ROBO2: variants seen among roughly 807,000 people sequenced by gnomAD.
ROBO2 encodes the protein roundabout guidance receptor 2, also known as roundabout homolog 2.
ROBO2 carries 53 observed loss-of-function variants against 160.8 expected under a neutral mutation model. The ratio of observed to expected loss-of-function variants is 0.33; its 90% confidence interval spans 0.26 to 0.41. The LOEUF (loss-of-function observed/expected upper bound fraction) is 0.41. Ranked by LOEUF, ROBO2 falls within the 10% of genes least tolerant of loss-of-function variation. ROBO2 has a pLI of 1.00. For missense variants in ROBO2, 1,577 were observed against 1,722.4 expected (o/e 0.92, Z 1.49); for synonymous variants, 664 against 611.7 (o/e 1.09, Z -1.26).
intron 2 of ROBO2, among the ~76,000 whole-genome samples, chr3:76,454,340 T>G (rs2077636459): frequency 6.6e-6 from 1 of 152,166 alleles, no homozygotes; most frequent in Non-Finnish European, 1.5e-5. Flanking sequence ...TAATTTTACT[T>G]TGTCAAATTA....
At chr3:76,498,068 C>T (rs538680198) in intron 2 of ROBO2, among the ~76,000 whole-genome samples, 2 of 152,200 alleles carry the variant, frequency 1.3e-5, no homozygotes, top group South Asian at 4.1e-4. Context: ...AGATAGGTTT[C>T]AAGAAGAAAA....
At chr3:76,775,228 T>C (rs966710079) in intron 2 of ROBO2, among the ~76,000 whole-genome samples, 2 of 150,636 alleles carry the variant, frequency 1.3e-5, no homozygotes, top group African/African-American at 2.4e-5. Flanking sequence ...AACAGAAATG[T>C]TTTTACTGTT....
At chr3:77,278,903 A>G (rs1192200130) in intron 2 of ROBO2, among the ~76,000 whole-genome samples, 1 of 152,128 alleles carries the variant, frequency 6.6e-6, no homozygotes. Context: ...TTTGAAACTA[A>G]CAATTGTTCT....
At chr3:77,634,640 G>T in intron 23 of ROBO2, 1 of 522,830 alleles carries the variant, frequency 1.9e-6, no homozygotes. Flanking sequence ...TCATTTGTTT[G>T]ATTTTGAGGG....
At chr3:76,352,213 C>T (rs1276446609) in intron 2 of ROBO2, among the ~76,000 whole-genome samples, 1 of 151,850 alleles carries the variant, frequency 6.6e-6, no homozygotes, top group Admixed American at 6.6e-5. Context: ...CTATTTATAG[C>T]CTGGCCAGTG....
chr3:76,562,528 G>A (rs1314722429), intron 2 of ROBO2, among the ~76,000 whole-genome samples: 1 of 151,372 alleles, frequency 6.6e-6, no homozygotes, highest in East Asian at 2.0e-4. Flanking sequence ...ACTCCCTTCG[G>A]TCAGAGCCCT....
chr3:77,401,543 G>A (rs1041210782), intron 2 of ROBO2, among the ~76,000 whole-genome samples: 1 of 152,010 alleles, frequency 6.6e-6, no homozygotes, highest in Non-Finnish European at 1.5e-5. Flanking sequence ...AACCTATTGG[G>A]CTGGTAAAAA....
chr3:77,406,757 A>C (rs773849088), intron 2 of ROBO2, among the ~76,000 whole-genome samples: 11 of 151,954 alleles, frequency 7.2e-5, no homozygotes, highest in Non-Finnish European at 1.3e-4. Flanking sequence ...TCCCCACTTC[A>C]TGCTTTCCCA....
chr3:76,008,410 A>C (rs566525456), intron 2 of ROBO2, among the ~76,000 whole-genome samples: 1 of 152,166 alleles, frequency 6.6e-6, no homozygotes, highest in East Asian at 1.9e-4. Context: ...CCTTGGGGTA[A>C]ACTCCAAAGG....
At chr3:77,526,880 C>T (rs2091214046) in intron 6 of ROBO2, among the ~76,000 whole-genome samples, 1 of 151,396 alleles carries the variant, frequency 6.6e-6, no homozygotes, top group South Asian at 2.1e-4. Context: ...TTCATCCACC[C>T]TGTCCATGGA....
At chr3:77,579,424 G>C (rs1221766819) in intron 15 of ROBO2, among the ~76,000 whole-genome samples, 2 of 152,018 alleles carry the variant, frequency 1.3e-5, no homozygotes, top group Non-Finnish European at 1.5e-5. Context: ...AATTCATCTT[G>C]TTAACTACTT....
At chr3:77,181,659 G>T (rs189067960) in intron 2 of ROBO2, among the ~76,000 whole-genome samples, 2 of 151,954 alleles carry the variant, frequency 1.3e-5, no homozygotes, top group Non-Finnish European at 2.9e-5. Flanking sequence ...AAAATGTTTC[G>T]CTTGAAAATG....
intron 19 of ROBO2, among the ~76,000 whole-genome samples, chr3:77,598,619 C>T (rs78963239): frequency 0.011 from 1,697 of 150,888 alleles, 30 homozygotes; most frequent in African/African-American, 0.038. Context: ...TATATGACTC[C>T]TCAGCTTCCT....
At chr3:77,620,550 A>G (rs2094880108) in intron 22 of ROBO2, among the ~76,000 whole-genome samples, 1 of 152,122 alleles carries the variant, frequency 6.6e-6, no homozygotes, top group Non-Finnish European at 1.5e-5. Flanking sequence ...ATTTCTTCCT[A>G]TTTTTCAACT....
intron 1 of ROBO2, among the ~76,000 whole-genome samples, chr3:77,081,455 C>T (rs940681120): frequency 6.6e-6 from 1 of 152,162 alleles, no homozygotes; most frequent in African/African-American, 2.4e-5. Context: ...GTATTCATAA[C>T]CATCAGGCAA....
intron 2 of ROBO2, among the ~76,000 whole-genome samples, chr3:76,587,549 C>A (rs1380243120): frequency 2.0e-5 from 3 of 152,096 alleles, no homozygotes; most frequent in Non-Finnish European, 4.4e-5. Context: ...ACAGTCAGAT[C>A]TCCTGAGAAC....
intron 2 of ROBO2, among the ~76,000 whole-genome samples, chr3:77,468,141 A>T (rs970246164): frequency 6.6e-6 from 1 of 152,204 alleles, no homozygotes; most frequent in Non-Finnish European, 1.5e-5. Flanking sequence ...AAGAAAAGGA[A>T]CTGATTAAAC....
chr3:77,397,554 T>C (rs923159838), intron 2 of ROBO2, among the ~76,000 whole-genome samples: 4 of 152,088 alleles, frequency 2.6e-5, no homozygotes, highest in Non-Finnish European at 5.9e-5. Context: ...CATTAAAAGA[T>C]CCTCAGTAAG....
chr3:77,608,925 CT>C (rs76855225), intron 21 of ROBO2, among the ~76,000 whole-genome samples: 9,858 of 151,730 alleles, frequency 0.065, 477 homozygotes, highest in East Asian at 0.2. Flanking sequence ...TTATAAATTT[CT>C]TCTTCATCCT....
Sources: gnomAD v4.1 joint callset for allele counts (sites outside exome capture counted in the v4.1 genomes callset) on GRCh38, gnomAD v4.1.1 for gene constraint, MANE v1.5 for transcripts, NCBI Gene and HGNC (gene_info 2026-07-23, HGNC 2026-07-21) for gene names.